The following RIMS2 variants were observed in gnomAD, a reference collection of about 807,000 sequenced individuals.
RIMS2 encodes regulating synaptic membrane exocytosis 2, also known as regulating synaptic membrane exocytosis protein 2.
A neutral mutation model predicts 174.4 loss-of-function variants in RIMS2; 59 were observed. The observed-to-expected ratio is 0.34, with a 90% CI of 0.27 to 0.42. The LOEUF (loss-of-function observed/expected upper bound fraction) is 0.42, where lower values mean the gene tolerates loss of function less well. RIMS2 is among the 10% of genes least tolerant of loss of function. RIMS2 has a pLI of 1.00. For missense variants in RIMS2, 1,620 were observed against 1,666.3 expected, an observed-to-expected ratio of 0.97 and a Z score of 0.48; for synonymous variants, 606 against 572.5, an observed-to-expected ratio of 1.06 and a Z score of -0.84.
At chr8:103,533,455 C>A (rs537802556) in intron 1 of RIMS2, among the ~76,000 whole-genome samples, 1 of 151,858 alleles carries the variant, frequency 6.6e-6, no homozygotes, top group Non-Finnish European at 1.5e-5. Flanking sequence ...CAGTGTGGAA[C>A]AATTAGTGGC....
chr8:103,570,953 A>G (rs1034589168), intron 1 of RIMS2, among the ~76,000 whole-genome samples: 3 of 152,202 alleles, frequency 2.0e-5, no homozygotes, highest in African/African-American at 7.2e-5. Flanking sequence ...TCCTATACCA[A>G]TGACACAAAA....
intron 1 of RIMS2, among the ~76,000 whole-genome samples, chr8:103,683,360 AC>A (rs1242222593): frequency 6.6e-6 from 1 of 152,176 alleles, no homozygotes; most frequent in Admixed American, 6.6e-5. Flanking sequence ...GAGTCTTTTG[AC>A]AACTCACTCT....
chr8:103,739,606 A>G (rs1415344892), intron 2 of RIMS2, among the ~76,000 whole-genome samples: 3 of 152,180 alleles, frequency 2.0e-5, no homozygotes, highest in Non-Finnish European at 2.9e-5. Flanking sequence ...CTTAGCTAAC[A>G]CTGGCTGCAA....
chr8:104,040,119 AAG>A (rs1565982134), intron 19 of RIMS2, among the ~76,000 whole-genome samples: 1 of 151,706 alleles, frequency 6.6e-6, no homozygotes, highest in African/African-American at 2.4e-5. Flanking sequence ...TATTCATATA[AAG>A]AGACAAATTT....
exon 18 of RIMS2, chr8:104,013,498 G>A (rs1303748999): frequency 1.2e-5 from 20 of 1,613,772 alleles, no homozygotes; most frequent in South Asian, 3.3e-5. Context: ...ACAGAACAAC[G>A]GCCTCTCCTT....
intron 19 of RIMS2, among the ~76,000 whole-genome samples, chr8:104,018,006 C>T (rs933950810): frequency 1.3e-5 from 2 of 152,068 alleles, no homozygotes; most frequent in East Asian, 1.9e-4. Context: ...GCCCAGGAGA[C>T]GCAGGTTGCA....
intron 1 of RIMS2, among the ~76,000 whole-genome samples, chr8:103,581,183 G>A (rs921713507): frequency 4.6e-5 from 7 of 151,966 alleles, no homozygotes; most frequent in African/African-American, 1.7e-4. Flanking sequence ...AACTAGACAA[G>A]GACACAACAA....
intron 19 of RIMS2, among the ~76,000 whole-genome samples, chr8:104,075,451 G>A (rs1007554764): frequency 1.1e-4 from 17 of 152,184 alleles, no homozygotes; most frequent in Admixed American, 1.1e-3. Context: ...ATATCCAGCA[G>A]AATGGTTTTC....
chr8:104,082,341 G>A (rs2097437320), intron 19 of RIMS2, among the ~76,000 whole-genome samples: 1 of 151,948 alleles, frequency 6.6e-6, no homozygotes, highest in South Asian at 2.1e-4. Context: ...AAGTAATGAT[G>A]GTACAAAATA....
At chr8:104,168,536 T>C (rs1285559566) in intron 19 of RIMS2, among the ~76,000 whole-genome samples, 3 of 152,266 alleles carry the variant, frequency 2.0e-5, no homozygotes, top group Non-Finnish European at 4.4e-5. Flanking sequence ...CTTTCTTGAA[T>C]TTGTTTATCA....
intron 19 of RIMS2, among the ~76,000 whole-genome samples, chr8:104,184,369 A>G (rs1371603718): frequency 6.6e-6 from 1 of 151,558 alleles, no homozygotes; most frequent in African/African-American, 2.4e-5. Context: ...TAAGGTATCT[A>G]TACTCAAATT....
intron 3 of RIMS2, among the ~76,000 whole-genome samples, chr8:103,845,641 A>G (rs1399121826): frequency 1.3e-5 from 2 of 152,104 alleles, no homozygotes; most frequent in Non-Finnish European, 2.9e-5. Flanking sequence ...ATTTTTTTAT[A>G]GCTGGATACA....
intron 1 of RIMS2, chr8:103,559,253 G>T: frequency 1.1e-5 from 2 of 183,148 alleles, no homozygotes; most frequent in South Asian, 1.0e-4. Flanking sequence ...CTCTCTCATT[G>T]CCAGCCTTCT....
chr8:103,718,760 C>T (rs1222274996), intron 2 of RIMS2, among the ~76,000 whole-genome samples: 1 of 151,962 alleles, frequency 6.6e-6, no homozygotes, highest in Non-Finnish European at 1.5e-5. Context: ...CTCCACCTCC[C>T]GAGTTCAAGT....
chr8:103,573,042 C>T (rs897085668), intron 1 of RIMS2, among the ~76,000 whole-genome samples: 2 of 151,264 alleles, frequency 1.3e-5, no homozygotes, highest in Non-Finnish European at 2.9e-5. Flanking sequence ...GAGGCCTTAC[C>T]CCTACATTTA....
At chr8:104,235,944 A>T (rs554057394) in intron 19 of RIMS2, among the ~76,000 whole-genome samples, 1 of 152,116 alleles carries the variant, frequency 6.6e-6, no homozygotes, top group Non-Finnish European at 1.5e-5. Flanking sequence ...TTCAGTCAAG[A>T]TTTATTCATT....
At chr8:104,012,596 T>A in intron 17 of RIMS2, among the ~76,000 whole-genome samples, 1 of 152,118 alleles carries the variant, frequency 6.6e-6, no homozygotes, top group Non-Finnish European at 1.5e-5. Flanking sequence ...AGCTAGTGTT[T>A]TTAAAGTCAT....
chr8:104,241,612 A>G (rs2511586), intron 19 of RIMS2, among the ~76,000 whole-genome samples: 45,226 of 151,960 alleles, frequency 0.3, 7,097 homozygotes, highest in African/African-American at 0.36. Context: ...CTCATTCCAC[A>G]TGCTCAAATG....
chr8:104,213,414 T>A (rs1342731031), intron 19 of RIMS2, among the ~76,000 whole-genome samples: 2 of 152,230 alleles, frequency 1.3e-5, no homozygotes, highest in African/African-American at 4.8e-5. Context: ...TACTTAACAA[T>A]AATTATGAGT....
Sources: allele counts gnomAD v4.1 joint callset (sites outside exome capture counted in the v4.1 genomes callset), GRCh38; gene constraint gnomAD v4.1.1; transcripts MANE v1.5; gene names NCBI Gene and HGNC (gene_info 2026-07-23, HGNC 2026-07-21).